The following RTN4RL1 variants were observed in gnomAD, a reference collection of about 807,000 sequenced individuals.
The protein encoded by RTN4RL1 is reticulon-4 receptor-like 1.
Under a neutral mutation model 25.6 loss-of-function variants are expected in RTN4RL1, and 7 were observed. The observed-to-expected ratio is 0.27, with a 90% confidence interval of 0.16 to 0.51. RTN4RL1 has a LOEUF of 0.51. RTN4RL1 is among the 20% of genes least tolerant of loss of function. The probability of loss-of-function intolerance (pLI) is 0.97; values close to 1 mark genes in which losing one functional copy is unlikely to be tolerated. For missense variants in RTN4RL1, 500 were observed against 615.6 expected (o/e 0.81, Z 1.99); for synonymous variants, 297 against 288.2 (o/e 1.03, Z -0.31).
chr17:1,993,549 G>A (rs1428942583), intron 1 of RTN4RL1, among the ~76,000 whole-genome samples: 3 of 152,246 alleles, frequency 2.0e-5, no homozygotes, highest in Admixed American at 1.3e-4. Flanking sequence ...TGTTTTTACA[G>A]ACCTGCTTTA....
At chr17:1,987,362 A>G (rs1196677020) in intron 1 of RTN4RL1, among the ~76,000 whole-genome samples, 1 of 152,166 alleles carries the variant, frequency 6.6e-6, no homozygotes, top group East Asian at 1.9e-4. Context: ...GTGGGGGAAG[A>G]GAAGTTCTCC....
intron 1 of RTN4RL1, among the ~76,000 whole-genome samples, chr17:2,002,243 C>G (rs1377491401): frequency 6.6e-6 from 1 of 151,256 alleles, no homozygotes; most frequent in African/African-American, 2.4e-5. Context: ...TTCCTTCCCT[C>G]CCTCCCTCCT....
At chr17:1,939,321 C>T (rs1335745253) in intron 1 of RTN4RL1, among the ~76,000 whole-genome samples, 1 of 151,856 alleles carries the variant, frequency 6.6e-6, no homozygotes, top group South Asian at 2.1e-4. Flanking sequence ...CCACTGCACT[C>T]CAGCCTGGGC....
chr17:1,962,542 T>C (rs770086971), intron 1 of RTN4RL1, among the ~76,000 whole-genome samples: 2 of 151,748 alleles, frequency 1.3e-5, no homozygotes, highest in African/African-American at 4.8e-5. Flanking sequence ...AGTTTTCTGA[T>C]TTAAAATCAT....
Position 1,986,538 on chromosome 17 carries a change from AGAG to A in RTN4RL1, c.13+38312_13+38314del, listed in dbSNP as rs542841124. On this transcript the variant is annotated intron_variant, in intron 1 of 1. Transcript: ENST00000331238. ...GACAAATTTCCTTATAAGAGACAGA[AGAG>A]GAGGAGACAGAGGGAAGCCACGTGA... Among the ~76,000 whole-genome samples the A allele has an allele frequency of 2.0e-3, 300 of 152,240 alleles. 2 individuals carry two copies. Among genetic ancestry groups the A allele is most frequent in the Admixed American group, 5.4e-3 (82 of 15,296 alleles).
chr17:1,971,431 A>C (rs1468291129), intron 1 of RTN4RL1, among the ~76,000 whole-genome samples: 2 of 152,202 alleles, frequency 1.3e-5, no homozygotes, highest in African/African-American at 4.8e-5. Flanking sequence ...GTAATACGCT[A>C]CTATTTGTTC....
intron 1 of RTN4RL1, among the ~76,000 whole-genome samples, chr17:1,995,361 G>A (rs1173263061): frequency 6.6e-6 from 1 of 151,692 alleles, no homozygotes; most frequent in Non-Finnish European, 1.5e-5. Flanking sequence ...GGGAGGCGGA[G>A]GTTGCAGTGA....
At position 1,935,952 on chromosome 17, in the gene RTN4RL1, G is replaced by T. The variant is rs1033011043; in HGVS notation, c.*544C>A. 1.3e-5 allele frequency: 13 copies of T among 985,542 alleles called. No individual in the cohort carries two copies. Among genetic ancestry groups the T allele is most frequent in the Non-Finnish European group, 1.3e-5 (11 of 829,996 alleles). The allele number at this position is 985,542 out of a possible 1,614,324, so 61.0% of individuals were successfully genotyped here. A position where few individuals can be genotyped will look rare whatever the true frequency, so the allele number is the denominator to read the frequency against. The stretch of plus-strand genomic sequence containing the variant: ...ATCAGGAATGAGAGGCGCTACCCCC[G>T]AGGGAGGGGCTGAAGGTGGAGTAGG... On this transcript the variant is annotated 3_prime_UTR_variant, in exon 2 of 2. Coordinates refer to ENST00000331238, the MANE Select transcript of RTN4RL1 (RefSeq NM_178568.4).
chr17:2,002,651 C>A (rs952848377), intron 1 of RTN4RL1, among the ~76,000 whole-genome samples: 2 of 151,186 alleles, frequency 1.3e-5, no homozygotes, highest in African/African-American at 4.9e-5. Flanking sequence ...TTCCTTCCTT[C>A]CTTTCTTTTC....
intron 1 of RTN4RL1, among the ~76,000 whole-genome samples, chr17:1,999,376 G>A (rs1446287975): frequency 2.0e-5 from 3 of 151,380 alleles, no homozygotes; most frequent in Non-Finnish European, 4.4e-5. Context: ...AACCCGGGAG[G>A]AGGAGATTGC....
chr17:1,949,090 G>A (rs2151306791), intron 1 of RTN4RL1, among the ~76,000 whole-genome samples: 1 of 152,316 alleles, frequency 6.6e-6, no homozygotes, highest in African/African-American at 2.4e-5. Context: ...CAGAGTAGCT[G>A]GGACTACAGG....
intron 1 of RTN4RL1, among the ~76,000 whole-genome samples, chr17:2,021,255 T>C (rs929966374): frequency 2.6e-5 from 4 of 152,206 alleles, no homozygotes; most frequent in Non-Finnish European, 5.9e-5. Context: ...ATGATCCTTA[T>C]GGCCCAAGGT....
chr17:1,988,194 A>G (rs113974241), intron 1 of RTN4RL1, among the ~76,000 whole-genome samples: 15,757 of 152,058 alleles, frequency 0.1, 1,041 homozygotes, highest in Non-Finnish European at 0.14. Context: ...TGAGGTGGGC[A>G]GATCACGAGG....
intron 1 of RTN4RL1, among the ~76,000 whole-genome samples, chr17:1,962,793 C>T (rs1567510671): frequency 1.4e-5 from 2 of 146,312 alleles, no homozygotes; most frequent in African/African-American, 5.1e-5. Context: ...AACCAGGAGG[C>T]AGAGGTTGCA....
intron 1 of RTN4RL1, among the ~76,000 whole-genome samples, chr17:1,944,899 C>T (rs1915507011): frequency 6.6e-6 from 1 of 152,224 alleles, no homozygotes; most frequent in South Asian, 2.1e-4. Context: ...TCATCTGACA[C>T]AGTAGGCAGG....
At chr17:1,977,535 C>G (rs929452236) in intron 1 of RTN4RL1, among the ~76,000 whole-genome samples, 1 of 152,128 alleles carries the variant, frequency 6.6e-6, no homozygotes, top group African/African-American at 2.4e-5. Flanking sequence ...CCACCCCGCC[C>G]GCCGGCCTGG....
intron 1 of RTN4RL1, among the ~76,000 whole-genome samples, chr17:1,940,323 G>A (rs1421917130): frequency 6.6e-6 from 1 of 152,184 alleles, no homozygotes; most frequent in African/African-American, 2.4e-5. Flanking sequence ...CAGCTTCAAG[G>A]ACCCTTTCTG....
intron 1 of RTN4RL1, among the ~76,000 whole-genome samples, chr17:1,963,260 G>C (rs563326993): frequency 2.0e-5 from 3 of 152,244 alleles, no homozygotes; most frequent in African/African-American, 7.2e-5. Context: ...AGAGCTGTCT[G>C]TGAGCCCCGT....
chr17:1,965,256 C>T (rs920010816), intron 1 of RTN4RL1, among the ~76,000 whole-genome samples: 2 of 151,528 alleles, frequency 1.3e-5, no homozygotes, highest in African/African-American at 4.9e-5. Context: ...ATTACAGGCG[C>T]GCGCCCCCCA....
Sources: allele counts gnomAD v4.1 joint callset (sites outside exome capture counted in the v4.1 genomes callset), GRCh38; gene constraint gnomAD v4.1.1; transcripts MANE v1.5; gene names NCBI Gene and HGNC (gene_info 2026-07-23, HGNC 2026-07-21).